The following CNTNAP5 variants were observed in gnomAD, a reference collection of about 807,000 sequenced individuals.
CNTNAP5 encodes contactin-associated protein-like 5.
A neutral mutation model predicts 150.2 loss-of-function variants in CNTNAP5; 72 were observed. The observed-to-expected ratio is 0.48, with a 90% CI of 0.40 to 0.58. CNTNAP5 has a LOEUF of 0.58. Ranked by LOEUF, CNTNAP5 falls within the 20% of genes least tolerant of loss-of-function variation. CNTNAP5 has a pLI of 0.00. For missense variants in CNTNAP5, 1,636 were observed against 1,626.2 expected, an observed-to-expected ratio of 1.01 and a Z score of -0.10; for synonymous variants, 672 against 619.8, an observed-to-expected ratio of 1.08 and a Z score of -1.25.
chr2:124,814,917 C>G (rs1292797993), intron 19 of CNTNAP5, among the ~76,000 whole-genome samples: 2 of 152,114 alleles, frequency 1.3e-5, no homozygotes, highest in African/African-American at 4.8e-5. Context: ...AAAACGTGAT[C>G]AAGTCATCAG....
chr2:124,391,730 C>T (rs913507292), intron 3 of CNTNAP5, among the ~76,000 whole-genome samples: 13 of 152,210 alleles, frequency 8.5e-5, no homozygotes, highest in South Asian at 2.1e-4. Flanking sequence ...CCGAGGCGGG[C>T]GGATCACGAG....
chr2:124,267,401 A>G (rs894909806), intron 3 of CNTNAP5, among the ~76,000 whole-genome samples: 1 of 152,208 alleles, frequency 6.6e-6, no homozygotes, highest in Non-Finnish European at 1.5e-5. Flanking sequence ...CAAGAAATCC[A>G]GTAAATATTC....
intron 1 of CNTNAP5, among the ~76,000 whole-genome samples, chr2:124,172,517 A>T (rs542596306): frequency 2.6e-5 from 4 of 152,234 alleles, no homozygotes; most frequent in African/African-American, 4.8e-5. Context: ...GGATCAAGGG[A>T]TCCTTCTGCC....
intron 1 of CNTNAP5, among the ~76,000 whole-genome samples, chr2:124,071,716 C>A (rs1682308859): frequency 6.6e-6 from 1 of 151,780 alleles, no homozygotes. Flanking sequence ...GAGATAGAAG[C>A]CATAATAAAA....
chr2:124,598,420 G>GCC (rs1286543632), intron 11 of CNTNAP5, among the ~76,000 whole-genome samples: 4 of 133,416 alleles, frequency 3.0e-5, no homozygotes, highest in Admixed American at 2.3e-4. Flanking sequence ...GTGTCAGTGT[G>GCC]CCCCTGCTGG....
chr2:124,754,009 C>T (rs1007550320), intron 14 of CNTNAP5, among the ~76,000 whole-genome samples: 1 of 152,172 alleles, frequency 6.6e-6, no homozygotes, highest in Non-Finnish European at 1.5e-5. Flanking sequence ...CATTCCCTTC[C>T]CATGAGATGC....
At chr2:124,464,608 C>T (rs1042153677) in intron 6 of CNTNAP5, among the ~76,000 whole-genome samples, 3 of 152,154 alleles carry the variant, frequency 2.0e-5, no homozygotes, top group Admixed American at 6.6e-5. Context: ...AGTTACAAAA[C>T]GATGACCCTG....
At chr2:124,246,505 A>T (rs908095358) in intron 3 of CNTNAP5, among the ~76,000 whole-genome samples, 1 of 152,176 alleles carries the variant, frequency 6.6e-6, no homozygotes, top group Admixed American at 6.6e-5. Flanking sequence ...AGACATGCCA[A>T]ATCATTACAA....
chr2:124,544,524 T>A, intron 10 of CNTNAP5, among the ~76,000 whole-genome samples: 1 of 152,198 alleles, frequency 6.6e-6, no homozygotes, highest in East Asian at 1.9e-4. Flanking sequence ...ATATAATTAT[T>A]GCTTCAGTGA....
chr2:124,245,581 C>CTGTGTG (rs35056317), intron 3 of CNTNAP5, among the ~76,000 whole-genome samples: 9 of 148,150 alleles, frequency 6.1e-5, no homozygotes, highest in South Asian at 2.1e-4. Flanking sequence ...ACATATATAT[C>CTGTGTG]TGTGTGTGTG....
intron 3 of CNTNAP5, among the ~76,000 whole-genome samples, chr2:124,297,814 TTATTA>T (rs781650476): frequency 0.053 from 813 of 15,410 alleles, 11 homozygotes; most frequent in East Asian, 0.14. Context: ...CAATTATTTA[TTATTA>T]TTATTATTAT....
intron 3 of CNTNAP5, among the ~76,000 whole-genome samples, chr2:124,356,719 G>C (rs1326252926): frequency 6.6e-6 from 1 of 151,850 alleles, no homozygotes; most frequent in African/African-American, 2.4e-5. Flanking sequence ...TTAGACATTT[G>C]GGTTGGTTCC....
intron 13 of CNTNAP5, among the ~76,000 whole-genome samples, chr2:124,692,654 CT>C (rs1558737623): frequency 6.6e-6 from 1 of 152,088 alleles, no homozygotes. Context: ...AAATCGATCT[CT>C]TTTTAGCTCC....
intron 3 of CNTNAP5, among the ~76,000 whole-genome samples, chr2:124,265,734 G>C (rs1687587840): frequency 6.6e-6 from 1 of 152,204 alleles, no homozygotes; most frequent in Middle Eastern, 3.4e-3. Context: ...AGGTGACCGA[G>C]GGCCGGCCTG....
chr2:124,635,224 A>G (rs1446040369), intron 12 of CNTNAP5, among the ~76,000 whole-genome samples: 1 of 152,192 alleles, frequency 6.6e-6, no homozygotes, highest in Non-Finnish European at 1.5e-5. Flanking sequence ...CATGACTTAC[A>G]TGGTGGGAGC....
intron 13 of CNTNAP5, among the ~76,000 whole-genome samples, chr2:124,743,863 T>TC (rs1308536687): frequency 6.6e-6 from 1 of 152,216 alleles, no homozygotes; most frequent in Non-Finnish European, 1.5e-5. Context: ...AGCCATAGAT[T>TC]CTAAAAAAAT....
intron 19 of CNTNAP5, among the ~76,000 whole-genome samples, chr2:124,851,695 A>G (rs1342016886): frequency 6.6e-6 from 1 of 152,166 alleles, no homozygotes; most frequent in East Asian, 1.9e-4. Flanking sequence ...AGAGTGAGGA[A>G]GGAGAAGGCA....
In CNTNAP5 at chr2:124,612,916, TGTG is replaced by T. The variant is rs1439724805; in HGVS notation, c.1876+3000_1876+3002del. On this transcript the variant is annotated intron_variant, in intron 12 of 23. Coordinates refer to ENST00000682447, the MANE Select transcript of CNTNAP5 (RefSeq NM_001367498.1). ...AAAAATACAAAAATTAGCCAGGTAT[TGTG>T]GTGCATGCATGTAGTCCCAGCTACT... Among the ~76,000 whole-genome samples, 22 of 152,024 alleles carry T rather than the reference TGTG, an allele frequency of 1.4e-4. No individual in the cohort carries two copies. In the East Asian group the frequency reaches 2.3e-3, roughly 16 times the overall value.
At chr2:124,728,832 T>G (rs570033900) in intron 13 of CNTNAP5, among the ~76,000 whole-genome samples, 17 of 152,150 alleles carry the variant, frequency 1.1e-4, no homozygotes, top group African/African-American at 4.1e-4. Flanking sequence ...TTTGAATGAG[T>G]CTTCATAATC....
Sources: gnomAD v4.1 joint callset for allele counts (sites outside exome capture counted in the v4.1 genomes callset) on GRCh38, gnomAD v4.1.1 for gene constraint, MANE v1.5 for transcripts, NCBI Gene and HGNC (gene_info 2026-07-23, HGNC 2026-07-21) for gene names.